Variants in EYS observed in about 807,000 individuals in gnomAD.
EYS encodes the protein protein eyes shut homolog.
Under a neutral mutation model 282.1 loss-of-function variants are expected in EYS, and 250 were observed. That is an observed-to-expected ratio of 0.89 (90% confidence interval 0.80 to 0.98). The LOEUF (loss-of-function observed/expected upper bound fraction) is 0.98. Ranked by LOEUF, EYS falls within the 50% of genes least tolerant of loss-of-function variation. The pLI is 0.00. For synonymous variants in EYS, 1,355 were observed against 1,282.9 expected (o/e 1.06, Z -1.20); for missense variants, 4,016 against 3,709.0 (o/e 1.08, Z -2.15).
intron 10 of EYS, among the ~76,000 whole-genome samples, chr6:65,342,757 A>T (rs1770245324): frequency 6.6e-6 from 1 of 150,672 alleles, no homozygotes; most frequent in South Asian, 2.1e-4. Context: ...AAAATAGCCA[A>T]AATGATCTTA....
chr6:64,407,406 C>T (rs890703216), intron 28 of EYS, among the ~76,000 whole-genome samples: 1 of 151,930 alleles, frequency 6.6e-6, no homozygotes, highest in Admixed American at 6.6e-5. Flanking sequence ...ATGTAACAAA[C>T]CTGCACATTC....
chr6:65,352,304 C>T (rs1291956175), intron 9 of EYS, among the ~76,000 whole-genome samples: 1 of 151,884 alleles, frequency 6.6e-6, no homozygotes, highest in Admixed American at 6.6e-5. Flanking sequence ...AAAACAGACA[C>T]ATCAAACTGT....
chr6:64,444,232 G>A (rs112796193), intron 26 of EYS, among the ~76,000 whole-genome samples: 70 of 152,270 alleles, frequency 4.6e-4, no homozygotes, highest in African/African-American at 1.5e-3. Flanking sequence ...TAAAAAGGCT[G>A]CATTGACATG....
chr6:64,402,217 G>A (rs758460075), intron 28 of EYS, among the ~76,000 whole-genome samples: 11 of 152,112 alleles, frequency 7.2e-5, no homozygotes, highest in Non-Finnish European at 1.3e-4. Context: ...CACCATTAAA[G>A]TGTGCCACTC....
At chr6:65,275,780 A>T (rs1768028565) in intron 12 of EYS, among the ~76,000 whole-genome samples, 1 of 152,176 alleles carries the variant, frequency 6.6e-6, no homozygotes, top group Admixed American at 6.6e-5. Flanking sequence ...GTGATCAGCC[A>T]GCTAGCTACC....
Position 63,879,543 on chromosome 6 carries a change from A to T in EYS, c.7056-15185T>A, listed in dbSNP as rs1773072558. 2.0e-5 allele frequency among the ~76,000 whole-genome samples: 3 copies of T among 152,186 alleles called. No homozygotes were observed. The South Asian group carries it at 6.2e-4, about 31-fold the overall frequency. On this transcript the variant is annotated intron_variant, in intron 35 of 42. Transcript: ENST00000503581. ...TACTTATCTAAATAGAAAGATCCCC[A>T]TGTGTATGGGGACATGGTGTGGCAG...
At chr6:64,454,955 CTT>C (rs1240825193) in intron 26 of EYS, among the ~76,000 whole-genome samples, 2 of 152,068 alleles carry the variant, frequency 1.3e-5, no homozygotes, top group Non-Finnish European at 2.9e-5. Context: ...GTATAGAAAT[CTT>C]ATTAATTTGT....
At chr6:64,797,151 T>C (rs1050142491) in intron 22 of EYS, among the ~76,000 whole-genome samples, 1 of 152,100 alleles carries the variant, frequency 6.6e-6, no homozygotes, top group South Asian at 2.1e-4. Context: ...TTGTGACATA[T>C]GCTATGCAGA....
At chr6:65,549,896 T>C (rs1173192776) in intron 2 of EYS, among the ~76,000 whole-genome samples, 1 of 152,178 alleles carries the variant, frequency 6.6e-6, no homozygotes, top group East Asian at 1.9e-4. Context: ...GGGAGATCGA[T>C]GTTCCACCAT....
intron 41 of EYS, among the ~76,000 whole-genome samples, chr6:63,734,523 T>C (rs544356963): frequency 3.0e-4 from 45 of 152,204 alleles, no homozygotes; most frequent in African/African-American, 1.0e-3. Context: ...GTTATTACTA[T>C]AATACTGGTA....
intron 35 of EYS, among the ~76,000 whole-genome samples, chr6:63,964,390 C>T (rs1766209535): frequency 6.6e-6 from 1 of 152,164 alleles, no homozygotes; most frequent in South Asian, 2.1e-4. Context: ...AATTATTCTT[C>T]CAATTCCACA....
chr6:64,870,423 C>G (rs564857872), intron 19 of EYS, among the ~76,000 whole-genome samples: 2 of 138,016 alleles, frequency 1.4e-5, no homozygotes, highest in Non-Finnish European at 3.1e-5. Flanking sequence ...CCTCCTCCCC[C>G]CTCCAAAAAA....
chr6:63,841,678 T>A (rs1771963706), intron 36 of EYS, among the ~76,000 whole-genome samples: 1 of 152,192 alleles, frequency 6.6e-6, no homozygotes. Flanking sequence ...GTTACATAGG[T>A]GTACATGTGC....
intron 19 of EYS, among the ~76,000 whole-genome samples, chr6:64,847,851 T>C (rs547603005): frequency 6.6e-6 from 1 of 152,166 alleles, no homozygotes; most frequent in South Asian, 2.1e-4. Context: ...TGTGAACAAT[T>C]TGTAGAGTGG....
intron 41 of EYS, among the ~76,000 whole-genome samples, chr6:63,727,739 T>G (rs1025257263): frequency 7.6e-5 from 2 of 26,348 alleles, no homozygotes; most frequent in African/African-American, 1.5e-4. Flanking sequence ...AAAAAAAAAA[T>G]ATATATATAT....
At chr6:64,100,191 T>A (rs980306760) in intron 31 of EYS, among the ~76,000 whole-genome samples, 6 of 152,318 alleles carry the variant, frequency 3.9e-5, no homozygotes, top group African/African-American at 1.4e-4. Flanking sequence ...CTACTTTCTG[T>A]CAATCATTTT....
chr6:63,757,308 C>T (rs906093065), intron 41 of EYS, among the ~76,000 whole-genome samples: 2 of 151,862 alleles, frequency 1.3e-5, no homozygotes, highest in Non-Finnish European at 2.9e-5. Flanking sequence ...CCTGCAGTAC[C>T]CTCAGGCTTA....
At chr6:65,440,858 T>A (rs138408771) in intron 5 of EYS, among the ~76,000 whole-genome samples, 1 of 147,090 alleles carries the variant, frequency 6.8e-6, no homozygotes, top group East Asian at 2.0e-4. Flanking sequence ...TATATATATA[T>A]ATAGATTTAT....
intron 41 of EYS, among the ~76,000 whole-genome samples, chr6:63,742,973 T>C (rs1769122180): frequency 6.6e-6 from 1 of 152,216 alleles, no homozygotes; most frequent in Non-Finnish European, 1.5e-5. Flanking sequence ...TCTTTTTTTT[T>C]TCTGTATAAA....
Sources: gnomAD v4.1 joint callset for allele counts (sites outside exome capture counted in the v4.1 genomes callset) on GRCh38, gnomAD v4.1.1 for gene constraint, MANE v1.5 for transcripts, NCBI Gene and HGNC (gene_info 2026-07-23, HGNC 2026-07-21) for gene names.